PDE3A: variants seen among roughly 807,000 people sequenced by gnomAD.
The protein encoded by PDE3A is cGMP-inhibited 3',5'-cyclic phosphodiesterase 3A.
PDE3A carries 43 observed loss-of-function variants against 98.3 expected under a neutral mutation model. That is an observed-to-expected ratio of 0.44 (90% CI 0.34 to 0.56). The LOEUF (loss-of-function observed/expected upper bound fraction) is 0.56. Ranked by LOEUF, PDE3A falls within the 20% of genes least tolerant of loss-of-function variation. The probability of loss-of-function intolerance (pLI) is 0.01; values close to 1 mark genes in which losing one functional copy is unlikely to be tolerated. For synonymous variants in PDE3A, 663 were observed against 567.9 expected (o/e 1.17, Z -2.38); for missense variants, 1,427 against 1,440.7 (o/e 0.99, Z 0.15).
intron 1 of PDE3A, among the ~76,000 whole-genome samples, chr12:20,411,589 G>C (rs764672793): frequency 6.6e-6 from 1 of 151,736 alleles, no homozygotes; most frequent in Non-Finnish European, 1.5e-5. Context: ...TTGCACCTGC[G>C]CTACTGAAAT....
chr12:20,516,326 T>G (rs920749165), intron 1 of PDE3A, among the ~76,000 whole-genome samples: 39 of 152,186 alleles, frequency 2.6e-4, no homozygotes, highest in African/African-American at 9.4e-4. Flanking sequence ...TTTCATTTAT[T>G]TCTTGTTTAA....
At chr12:20,541,090 T>C (rs1437420630) in intron 1 of PDE3A, among the ~76,000 whole-genome samples, 4 of 88,180 alleles carry the variant, frequency 4.5e-5, no homozygotes, top group African/African-American at 1.6e-4. Context: ...TTTTTTTTTT[T>C]TTTTTTTTTT....
chr12:20,443,471 G>GTCAGTCATTTCA (rs1944903093), intron 1 of PDE3A, among the ~76,000 whole-genome samples: 2 of 152,238 alleles, frequency 1.3e-5, no homozygotes, highest in Non-Finnish European at 2.9e-5. Flanking sequence ...GACTGTCAGT[G>GTCAGTCATTTCA]TGACTGAGGA....
intron 8 of PDE3A, among the ~76,000 whole-genome samples, chr12:20,635,644 C>G (rs1944492084): frequency 1.3e-5 from 2 of 149,302 alleles, no homozygotes; most frequent in South Asian, 2.1e-4. Flanking sequence ...TCCCAGCTAC[C>G]TGGGAGGCTG....
At chr12:20,433,887 A>G (rs10770658) in intron 1 of PDE3A, among the ~76,000 whole-genome samples, 50,921 of 151,614 alleles carry the variant, frequency 0.34, 8,936 homozygotes, top group Admixed American at 0.48. Flanking sequence ...GAATTCCTAC[A>G]TGGTCCCAGT....
At position 20,566,064 on chromosome 12, in the gene PDE3A, A is replaced by G. The variant is rs911783892; in HGVS notation, c.1011+9354A>G. 8.5e-5 allele frequency among the ~76,000 whole-genome samples: 13 copies of G among 152,108 alleles called. No homozygotes were observed. In the East Asian group the frequency reaches 2.3e-3, roughly 27 times the overall value. Reference sequence around the variant, plus strand: ...TGTAAACATCAGTAAACCCAAAGTTACCAGGGCTGACAACTACAAAGAAAA... The same window carrying G: ...TGTAAACATCAGTAAACCCAAAGTTGCCAGGGCTGACAACTACAAAGAAAA... On this transcript the variant is annotated intron_variant, in intron 2 of 15. Transcript: ENST00000359062.
chr12:20,459,402 C>G (rs879595752), intron 1 of PDE3A, among the ~76,000 whole-genome samples: 1 of 151,902 alleles, frequency 6.6e-6, no homozygotes, highest in Non-Finnish European at 1.5e-5. Context: ...TTCTGGAAAG[C>G]CTTAAAGGCA....
intron 1 of PDE3A, among the ~76,000 whole-genome samples, chr12:20,527,158 A>G (rs1355396073): frequency 6.6e-6 from 1 of 151,894 alleles, no homozygotes; most frequent in African/African-American, 2.4e-5. Flanking sequence ...AGCTCAGGTG[A>G]TCTGCCTGCC....
At chr12:20,386,120 T>TAATATATATAA (rs1943779644) in intron 1 of PDE3A, among the ~76,000 whole-genome samples, 1 of 76,194 alleles carries the variant, frequency 1.3e-5, no homozygotes, top group Admixed American at 2.3e-4. Flanking sequence ...TAAATATATA[T>TAATATATATAA]AAATATATAT....
In PDE3A at chr12:20,542,257, T is replaced by C. The variant is rs537343845; in HGVS notation, c.961-14403T>C. 5.3e-5 allele frequency among the ~76,000 whole-genome samples: 8 copies of C among 152,184 alleles called. No individual in the cohort carries two copies. The South Asian group carries it at 1.7e-3, about 32-fold the overall frequency. The stretch of plus-strand genomic sequence containing the variant: ...CACATTAAAATTATATAAAAACCAA[T>C]TCAGTATTTTTCTCATTTATAAGAC... On this transcript the variant is annotated intron_variant, in intron 1 of 15. Transcript: ENST00000359062.
intron 1 of PDE3A, among the ~76,000 whole-genome samples, chr12:20,554,392 T>C (rs1354304135): frequency 2.2e-5 from 3 of 137,126 alleles, no homozygotes; most frequent in African/African-American, 5.1e-5. Flanking sequence ...TAAAAAAAGA[T>C]TTAGATTTAT....
chr12:20,445,838 C>A (rs914861041), intron 1 of PDE3A, among the ~76,000 whole-genome samples: 1 of 152,238 alleles, frequency 6.6e-6, no homozygotes, highest in Non-Finnish European at 1.5e-5. Flanking sequence ...ATGCTCTCTG[C>A]AGTCTGTGCA....
At chr12:20,411,290 A>G (rs1043928581) in intron 1 of PDE3A, among the ~76,000 whole-genome samples, 5 of 152,052 alleles carry the variant, frequency 3.3e-5, no homozygotes, top group Non-Finnish European at 7.4e-5. Context: ...CCACTAAGAA[A>G]TTACTCCCCA....
chr12:20,648,852 G>C lies in PDE3A; in HGVS notation c.2730G>C (p.Leu910=). The C allele has an allele frequency of 6.2e-7, 1 of 1,612,846 alleles. No individual in the cohort carries two copies. Among genetic ancestry groups the C allele is most frequent in the Non-Finnish European group, 8.5e-7 (1 of 1,179,386 alleles). The change falls in exon 13 of 16, where the codon CTG becomes CTC. Residue 910 remains leucine, a synonymous_variant. Transcript: ENST00000359062. ...LVIEAILATD[L]KKHFDFVAKF... ...TTGAAGCAATTTTGGCCACTGACCTGAAGAAACACTTTGACTTCGTAGCCA... is the reference window on the plus strand; with the variant it reads ...TTGAAGCAATTTTGGCCACTGACCTCAAGAAACACTTTGACTTCGTAGCCA...
chr12:20,374,825 A>T (rs867997744), intron 1 of PDE3A, among the ~76,000 whole-genome samples: 1 of 151,992 alleles, frequency 6.6e-6, no homozygotes, highest in Non-Finnish European at 1.5e-5. Context: ...GTGTTATTTT[A>T]TCTATCAAAA....
intron 2 of PDE3A, among the ~76,000 whole-genome samples, chr12:20,566,878 C>G (rs1379060913): frequency 6.6e-6 from 1 of 151,874 alleles, no homozygotes; most frequent in African/African-American, 2.4e-5. Context: ...CACTCATTGT[C>G]CCTATTCAGG....
intron 15 of PDE3A, among the ~76,000 whole-genome samples, chr12:20,667,694 GGTA>G (rs1208429568): frequency 1.3e-5 from 2 of 152,170 alleles, no homozygotes; most frequent in Non-Finnish European, 2.9e-5. Context: ...TTTGAAGTCA[GGTA>G]GTGTGGTGCC....
chr12:20,680,880 CAGAA>C lies in PDE3A; in HGVS notation c.*610_*613del, dbSNP rs1945765209. 1.5e-5 allele frequency: 2 copies of C among 129,108 alleles called. No individual in the cohort carries two copies. Among genetic ancestry groups the C allele is most frequent in the Non-Finnish European group, 3.3e-5 (2 of 60,508 alleles). 8.0% of individuals were successfully genotyped at this position (129,108 alleles called of 1,614,324 possible). A position where few individuals can be genotyped will look rare whatever the true frequency, so the allele number is the denominator to read the frequency against. Reference sequence around the variant, plus strand: ...TGTGTGTGTGTGTGTGAAAGAGAGACAGAAGGGAATGGTTTGAGAGGGTGCTTGT... The same window carrying C: ...TGTGTGTGTGTGTGTGAAAGAGAGACGGGAATGGTTTGAGAGGGTGCTTGT... On this transcript the variant is annotated 3_prime_UTR_variant, in exon 16 of 16. Transcript: ENST00000359062.
chr12:20,418,890 C>T (rs1489547158), intron 1 of PDE3A, among the ~76,000 whole-genome samples: 1 of 152,018 alleles, frequency 6.6e-6, no homozygotes, highest in African/African-American at 2.4e-5. Context: ...GAAATTACTT[C>T]TATGCTTCTT....
Sources: allele counts gnomAD v4.1 joint callset (sites outside exome capture counted in the v4.1 genomes callset), GRCh38; gene constraint gnomAD v4.1.1; transcripts MANE v1.5; gene names NCBI Gene and HGNC (gene_info 2026-07-23, HGNC 2026-07-21).